The following MADD variants were observed in gnomAD, a reference collection of about 807,000 sequenced individuals.
MADD encodes MAP kinase-activating death domain protein.
MADD carries 109 observed loss-of-function variants against 176.7 expected under a neutral mutation model. The ratio of observed to expected loss-of-function variants is 0.62; its 90% CI spans 0.53 to 0.72. The LOEUF (loss-of-function observed/expected upper bound fraction) is 0.72, where lower values mean the gene tolerates loss of function less well. MADD is among the 30% of genes least tolerant of loss of function. The pLI is 0.00. For missense variants in MADD, 1,914 were observed against 2,045.5 expected, an observed-to-expected ratio of 0.94 and a Z score of 1.24; for synonymous variants, 771 against 771.3, an observed-to-expected ratio of 1.00 and a Z score of 0.01.
At chr11:47,276,845 C>G in exon 5 of MADD, 1 of 1,614,176 alleles carries the variant, frequency 6.2e-7, no homozygotes, top group Non-Finnish European at 8.5e-7. Flanking sequence ...TACCCACCTG[C>G]ATGGCATCAG....
chr11:47,306,659 A>G (rs2082945345), intron 22 of MADD, among the ~76,000 whole-genome samples: 1 of 151,864 alleles, frequency 6.6e-6, no homozygotes, highest in Admixed American at 6.6e-5. Context: ...GGGAGGCCTG[A>G]TATTGCCATC....
intron 25 of MADD, among the ~76,000 whole-genome samples, chr11:47,310,501 A>G (rs550005161): frequency 1.3e-5 from 2 of 152,170 alleles, no homozygotes; most frequent in African/African-American, 4.8e-5. Flanking sequence ...ATTTATTTTG[A>G]GATTTATGTG....
chr11:47,328,968 T>C, intron 32 of MADD, 78 bp from the exon 37 acceptor site: 1 of 1,233,354 alleles, frequency 8.1e-7, no homozygotes, highest in South Asian at 1.2e-5. Flanking sequence ...AGGGCAGGAG[T>C]TGCCCATTGG....
intron 27 of MADD, among the ~76,000 whole-genome samples, chr11:47,317,549 T>C (rs1024665698): frequency 2.0e-5 from 3 of 152,164 alleles, no homozygotes; most frequent in Non-Finnish European, 2.9e-5. Context: ...CATAGACTGG[T>C]AGTTCAGTTT....
intron 2 of MADD, 83 bp downstream of exon 2, chr11:47,274,059 T>C: frequency 7.9e-7 from 1 of 1,266,554 alleles, no homozygotes; most frequent in Non-Finnish European, 1.1e-6. Flanking sequence ...GATTTCCATG[T>C]TGCTTTGCAT....
At chr11:47,324,268 C>A (rs370449676) in exon 29 of MADD, 38 of 1,613,862 alleles carry the variant, frequency 2.4e-5, no homozygotes, top group Non-Finnish European at 3.1e-5. Flanking sequence ...GCCACAGTGT[C>A]GGGAGCTGTA....
At chr11:47,317,809 C>T (rs1295406686) in intron 27 of MADD, among the ~76,000 whole-genome samples, 4 of 150,936 alleles carry the variant, frequency 2.7e-5, no homozygotes, top group East Asian at 3.9e-4. Flanking sequence ...CTCTCTCTAT[C>T]GCCCAGGCTG....
chr11:47,298,058 G>A (rs2074498602), intron 22 of MADD, among the ~76,000 whole-genome samples: 1 of 152,104 alleles, frequency 6.6e-6, no homozygotes, highest in South Asian at 2.1e-4. Context: ...AAAATGCTGG[G>A]ATTACAGGCA....
intron 31 of MADD, chr11:47,327,988 A>C (rs2095639910): frequency 1.0e-6 from 1 of 983,522 alleles, no homozygotes; most frequent in African/African-American, 1.8e-5. Flanking sequence ...GCTCCCTGTC[A>C]CCTCCCTCCC....
At chr11:47,274,578 T>C (rs1308055282) in exon 3 of MADD, 3 of 1,611,468 alleles carry the variant, frequency 1.9e-6, no homozygotes, top group South Asian at 1.1e-5. Context: ...CGAGCAGTGA[T>C]AGCGTGGCCC....
At chr11:47,274,828 G>A in exon 3 of MADD, 1 of 1,614,220 alleles carries the variant, frequency 6.2e-7, no homozygotes, top group Non-Finnish European at 8.5e-7. Flanking sequence ...TAAGGAGAAG[G>A]GGGAAGGTGG....
In MADD at chr11:47,309,293, C is replaced by T. The variant is rs745486520; in HGVS notation, c.3764C>T (p.Ser1255Phe). The T allele has an allele frequency of 1.2e-5, 19 of 1,614,038 alleles. No homozygotes were observed. The highest frequency in any genetic ancestry group is 1.5e-5 in the Non-Finnish European group (18 of 1,180,014). ...TTATTCTATGCAGGCAAAGAGCGTT[C>T]TACTTTATGGGACCAAATGCAATTC... The change falls in exon 24 of 33, where the codon TCT becomes TTT. Residue 1255 changes from serine (S) to phenylalanine (F), a missense_variant. This residue lies in a region of MADD where 1,767 missense variants were observed against 1,836.0 expected (regional missense o/e 0.96). Transcript: ENST00000402192.
chr11:47,273,846 C>T, exon 2 of MADD: 2 of 1,386,938 alleles, frequency 1.4e-6, no homozygotes, highest in Non-Finnish European at 2.1e-6. Flanking sequence ...TTCAGAATTC[C>T]TCCTGGGAAT....
intron 28 of MADD, 150 bp from the exon 32 acceptor site, chr11:47,324,115 C>T: frequency 1.4e-6 from 1 of 704,928 alleles, no homozygotes; most frequent in Middle Eastern, 3.4e-4. Flanking sequence ...TTCATAACCT[C>T]AACAATGAAT....
At chr11:47,308,954 G>C (rs751823940) in intron 23 of MADD, 26 bp from the exon 26 acceptor site, 1 of 1,604,194 alleles carries the variant, frequency 6.2e-7, no homozygotes, top group Non-Finnish European at 8.5e-7. Flanking sequence ...TTGCTACCAT[G>C]GTCCTTCCTG....
In MADD at chr11:47,282,869, C is replaced by T; in HGVS notation, c.1762C>T (p.Gln588Ter). The T allele has an allele frequency of 6.2e-7, 1 of 1,614,204 alleles. No individual in the cohort carries two copies. Among genetic ancestry groups the T allele is most frequent in the Non-Finnish European group, 8.5e-7 (1 of 1,180,038 alleles). ...GCCAAAGTGGTATGCTCATCAGCTGCAGCCTATCCACTATCGCGTCTATGA... is the reference window on the plus strand; with the variant it reads ...GCCAAAGTGGTATGCTCATCAGCTGTAGCCTATCCACTATCGCGTCTATGA... The change falls in exon 10 of 33, where the codon CAG becomes TAG. Residue 588 changes from glutamine (Q) to a stop codon, truncating the protein, a stop_gained. Coordinates refer to ENST00000402192, the Ensembl canonical transcript of MADD. LOFTEE classifies it high-confidence loss of function.
intron 1 of MADD, among the ~76,000 whole-genome samples, 168 bp from the exon 2 acceptor site, chr11:47,273,659 C>T (rs564825831): frequency 5.9e-4 from 90 of 152,110 alleles, no homozygotes; most frequent in Non-Finnish European, 9.0e-4. Context: ...ACATTCGATT[C>T]TGTGAGCTCA....
intron 27 of MADD, among the ~76,000 whole-genome samples, chr11:47,323,011 G>A (rs1466211769): frequency 1.3e-5 from 2 of 152,194 alleles, no homozygotes; most frequent in Non-Finnish European, 2.9e-5. Flanking sequence ...GCCAAGACGG[G>A]TGTATCACTT....
chr11:47,307,901 G>A (rs1364304809), intron 22 of MADD, among the ~76,000 whole-genome samples: 2 of 152,136 alleles, frequency 1.3e-5, no homozygotes, highest in South Asian at 2.1e-4. Flanking sequence ...ATCTCCTGAC[G>A]TGGTGATCCC....
Sources: allele counts gnomAD v4.1 joint callset (sites outside exome capture counted in the v4.1 genomes callset), GRCh38; gene constraint gnomAD v4.1.1; regional missense constraint gnomAD v4.1.1; transcripts MANE v1.5; gene names NCBI Gene and HGNC (gene_info 2026-07-23, HGNC 2026-07-21).